CISD2: variants seen among roughly 807,000 people sequenced by gnomAD.
CISD2 encodes CDGSH iron-sulfur domain-containing protein 2.
CISD2 carries 1 observed loss-of-function variant against 12.9 expected under a neutral mutation model. The ratio of observed to expected loss-of-function variants is 0.08; its 90% CI spans 0.03 to 0.37. The LOEUF (loss-of-function observed/expected upper bound fraction) is 0.37, where lower values mean the gene tolerates loss of function less well. Among genes scored for constraint, CISD2 ranks in the 10% least tolerant of loss-of-function variants. The pLI, the probability that CISD2 is intolerant of heterozygous loss-of-function variation, is 0.99. For synonymous variants in CISD2, 50 were observed against 60.6 expected (o/e 0.83, Z 0.81); for missense variants, 97 against 163.1 (o/e 0.59, Z 2.21).
rs1174404958 is a variant in CISD2, at chr4:102,888,078, G to GTA, written c.*649_*650insAT. ...TCTGTGTGTGTGTGTGTGTGTGTGT[G>GTA]TGTGTATTTTAAACTGACTCAGTGA... On this transcript the variant is annotated 3_prime_UTR_variant, in exon 3 of 3. Coordinates refer to ENST00000273986, the MANE Select transcript of CISD2 (RefSeq NM_001008388.5). 17 of 151,606 alleles carry GTA rather than the reference G, an allele frequency of 1.1e-4. No individual in the cohort carries two copies. The highest frequency in any genetic ancestry group is 4.1e-4 in the African/African-American group (17 of 41,164). 9.4% of individuals were successfully genotyped at this position (151,606 alleles called of 1,614,324 possible). A position where few individuals can be genotyped will look rare whatever the true frequency, so the allele number is the denominator to read the frequency against.
At chr4:102,873,959 C>T (rs1257876794) in intron 1 of CISD2, among the ~76,000 whole-genome samples, 1 of 151,852 alleles carries the variant, frequency 6.6e-6, no homozygotes, top group Non-Finnish European at 1.5e-5. Context: ...AACCCCGTCT[C>T]TACTAAAAAT....
chr4:102,872,093 T>G (rs1733468525), intron 1 of CISD2, among the ~76,000 whole-genome samples: 1 of 152,182 alleles, frequency 6.6e-6, no homozygotes, highest in Non-Finnish European at 1.5e-5. Flanking sequence ...TTTTGTTTTG[T>G]TTTTTGAGAG....
At chr4:102,880,307 G>T (rs1292513079) in intron 1 of CISD2, among the ~76,000 whole-genome samples, 1 of 152,034 alleles carries the variant, frequency 6.6e-6, no homozygotes, top group African/African-American at 2.4e-5. Context: ...TAAAATTTAT[G>T]TTTCCAACTG....
intron 1 of CISD2, among the ~76,000 whole-genome samples, chr4:102,876,161 AT>A (rs1733586993): frequency 6.6e-6 from 1 of 152,214 alleles, no homozygotes; most frequent in South Asian, 2.1e-4. Context: ...ATTAGCCTGT[AT>A]CCCCACATAG....
intron 1 of CISD2, among the ~76,000 whole-genome samples, chr4:102,879,419 A>G (rs1285827564): frequency 6.6e-6 from 1 of 152,130 alleles, no homozygotes; most frequent in Non-Finnish European, 1.5e-5. Flanking sequence ...GGCAATGGAA[A>G]TGTATTTTGT....
At chr4:102,874,211 C>T (rs1560901966) in intron 1 of CISD2, among the ~76,000 whole-genome samples, 1 of 151,642 alleles carries the variant, frequency 6.6e-6, no homozygotes, top group Non-Finnish European at 1.5e-5. Context: ...AGACCATTAT[C>T]CTAAGGAGAT....
At position 102,890,156 on chromosome 4, in the gene CISD2, G is replaced by C. The variant is rs566418032; in HGVS notation, c.*2726G>C. 2 of 152,302 alleles carry C rather than the reference G, an allele frequency of 1.3e-5. No individual in the cohort carries two copies. The highest frequency in any genetic ancestry group is 3.9e-4 in the East Asian group (2 of 5,188). The allele number at this position is 152,302 out of a possible 1,614,324, so 9.4% of individuals were successfully genotyped here. On this transcript the variant is annotated 3_prime_UTR_variant, in exon 3 of 3. Coordinates refer to ENST00000273986, the MANE Select transcript of CISD2 (RefSeq NM_001008388.5). The stretch of plus-strand genomic sequence containing the variant: ...AATTAAGCAAGTTGAATTATGGAAA[G>C]CACCTCACAATTCACACAATTCAGC...
Position 102,869,098 on chromosome 4 carries a change from G to T in CISD2, c.14G>T (p.Ser5Ile). Residue 5 changes from serine to isoleucine, a missense_variant, in exon 1 of 3, where the codon AGC (serine) becomes ATC (isoleucine). Transcript: ENST00000273986. Reference sequence around the variant, plus strand: ...CCGCTGGCCAGGATGGTGCTGGAGAGCGTGGCCCGTATCGTGAAGGTGCAG... The same window carrying T: ...CCGCTGGCCAGGATGGTGCTGGAGATCGTGGCCCGTATCGTGAAGGTGCAG... MVLE[S>I]VARIVKVQLP... is the part of the protein sequence containing the mutation. 4 of 1,611,600 alleles carry T rather than the reference G, an allele frequency of 2.5e-6. No homozygotes were observed. The highest frequency in any genetic ancestry group is 3.4e-6 in the Non-Finnish European group (4 of 1,179,122).
Position 102,868,997 on chromosome 4 carries a change from C to T in CISD2, c.-88C>T. 15 of 1,437,500 alleles carry T rather than the reference C, an allele frequency of 1.0e-5. No homozygotes were observed. The highest frequency in any genetic ancestry group is 1.5e-5 in the African/African-American group (1 of 67,750). 89.0% of individuals were successfully genotyped at this position (1,437,500 alleles called of 1,614,324 possible). On this transcript the variant is annotated 5_prime_UTR_variant, in exon 1 of 3. Transcript: ENST00000273986. ...CCGCCCAGGCCGAGGCCGCCAGTGC[C>T]CGCCGGCCGCTTCCGCTCCCGGCGC...
rs544475384 is a variant in CISD2, at chr4:102,878,221, C to T, written c.104-6995C>T. ...CACAATCTCAGCTTGCTGCAACCTC[C>T]GCCTCCTGGGTTCAAGTGATTCTCC... On this transcript the variant is annotated intron_variant, in intron 1 of 2. Coordinates refer to ENST00000273986, the MANE Select transcript of CISD2 (RefSeq NM_001008388.5). 3.4e-3 allele frequency among the ~76,000 whole-genome samples: 523 copies of T among 152,208 alleles called. 3 individuals carry two copies. Among genetic ancestry groups the T allele is most frequent in the African/African-American group, 0.011 (451 of 41,514 alleles).
rs1734259398 is a variant in CISD2, at chr4:102,891,766, AG to A, written c.*4337del. On this transcript the variant is annotated 3_prime_UTR_variant, in exon 3 of 3. Coordinates refer to ENST00000273986, the MANE Select transcript of CISD2 (RefSeq NM_001008388.5). ...AAGTTTGAGGAAAACTAAATAAAGCAGTAGCAATTTAAGTCATAATAAATTT... is the reference window on the plus strand; with the variant it reads ...AAGTTTGAGGAAAACTAAATAAAGCATAGCAATTTAAGTCATAATAAATTT... 6.6e-6 allele frequency: 1 copy of A among 152,258 alleles called. No individual in the cohort carries two copies. The highest frequency in any genetic ancestry group is 6.5e-5 in the Admixed American group (1 of 15,282). 9.4% of individuals were successfully genotyped at this position (152,258 alleles called of 1,614,324 possible). A position where few individuals can be genotyped will look rare whatever the true frequency, so the allele number is the denominator to read the frequency against.
chr4:102,872,292 A>C (rs1733475718), intron 1 of CISD2, among the ~76,000 whole-genome samples: 2 of 150,706 alleles, frequency 1.3e-5, no homozygotes, highest in South Asian at 4.2e-4. Context: ...CTGGTCTTGA[A>C]CTCCTGACCT....
chr4:102,876,975 C>T (rs1364422073), intron 1 of CISD2, among the ~76,000 whole-genome samples: 1 of 152,160 alleles, frequency 6.6e-6, no homozygotes, highest in Admixed American at 6.5e-5. Flanking sequence ...GGGAAAACCA[C>T]TCCCATGATC....
chr4:102,881,963 A>G (rs1677186033), intron 1 of CISD2, among the ~76,000 whole-genome samples: 1 of 152,164 alleles, frequency 6.6e-6, no homozygotes. Flanking sequence ...GGGCTGAGGC[A>G]GGCGGATCAC....
intron 1 of CISD2, among the ~76,000 whole-genome samples, chr4:102,869,791 G>C (rs1383098372): frequency 6.6e-6 from 1 of 152,164 alleles, no homozygotes; most frequent in Non-Finnish European, 1.5e-5. Flanking sequence ...GGTAACTTAA[G>C]TTGGAAGAAA....
intron 1 of CISD2, among the ~76,000 whole-genome samples, chr4:102,876,429 A>C (rs1167262054): frequency 1.3e-5 from 2 of 152,226 alleles, no homozygotes; most frequent in Non-Finnish European, 2.9e-5. Flanking sequence ...TAGGTGTATT[A>C]GTCTGTTTTC....
At chr4:102,869,504 T>A in intron 1 of CISD2, 1 of 702,610 alleles carries the variant, frequency 1.4e-6, no homozygotes, top group Non-Finnish European at 2.6e-6. Context: ...GTCCTGCTCA[T>A]CGCTCTCTGT....
intron 1 of CISD2, among the ~76,000 whole-genome samples, chr4:102,869,927 G>T (rs1425082281): frequency 1.3e-5 from 2 of 152,176 alleles, no homozygotes; most frequent in Non-Finnish European, 2.9e-5. Flanking sequence ...AACTCATGAG[G>T]ATTTCACATC....
At chr4:102,869,525 T>C in intron 1 of CISD2, 1 of 702,454 alleles carries the variant, frequency 1.4e-6, no homozygotes, top group Non-Finnish European at 2.6e-6. Flanking sequence ...AGCGTACTTG[T>C]TTATTTTAAA....
Sources: allele counts gnomAD v4.1 joint callset (sites outside exome capture counted in the v4.1 genomes callset), GRCh38; gene constraint gnomAD v4.1.1; transcripts MANE v1.5; gene names NCBI Gene and HGNC (gene_info 2026-07-23, HGNC 2026-07-21).